The following XKR3 variants were observed in gnomAD, a reference collection of about 807,000 sequenced individuals.
XKR3 encodes XK related 3.
Under a neutral mutation model 40.3 loss-of-function variants are expected in XKR3, and 27 were observed. The ratio of observed to expected loss-of-function variants is 0.67; its 90% confidence interval spans 0.49 to 0.92. The LOEUF (loss-of-function observed/expected upper bound fraction) is 0.92, where lower values mean the gene tolerates loss of function less well. XKR3 is among the 40% of genes least tolerant of loss of function. The pLI is 0.00. For missense variants in XKR3, 472 were observed against 537.6 expected (o/e 0.88, Z 1.21); for synonymous variants, 193 against 195.4 (o/e 0.99, Z 0.10).
At chr22:16,820,943 C>A (rs927733972) in intron 1 of XKR3, among the ~76,000 whole-genome samples, 3 of 151,990 alleles carry the variant, frequency 2.0e-5, no homozygotes, top group Non-Finnish European at 4.4e-5. Flanking sequence ...GATAGAATAC[C>A]CTTTTTCCCA....
chr22:16,785,046 G>A (rs1157783098), intron 3 of XKR3, among the ~76,000 whole-genome samples: 55 of 152,298 alleles, frequency 3.6e-4, no homozygotes, highest in African/African-American at 1.3e-3. Flanking sequence ...GGCCGGGCGC[G>A]GTGGCTCACG....
chr22:16,793,898 A>G (rs1378671404), intron 3 of XKR3, among the ~76,000 whole-genome samples: 1 of 152,232 alleles, frequency 6.6e-6, no homozygotes, highest in Non-Finnish European at 1.5e-5. Flanking sequence ...GAACATTATA[A>G]TACAAATGGA....
intron 1 of XKR3, among the ~76,000 whole-genome samples, chr22:16,814,366 A>G (rs1396663975): frequency 2.6e-5 from 4 of 152,050 alleles, no homozygotes; most frequent in Non-Finnish European, 5.9e-5. Context: ...TCTCAATTCT[A>G]TTTCATTGGT....
At chr22:16,821,303 T>C (rs780872174) in intron 1 of XKR3, among the ~76,000 whole-genome samples, 13 of 152,124 alleles carry the variant, frequency 8.5e-5, no homozygotes, top group Non-Finnish European at 1.6e-4. Flanking sequence ...CAGCCAAACT[T>C]AAGAAAAATA....
intron 3 of XKR3, among the ~76,000 whole-genome samples, chr22:16,796,245 CA>C (rs1422363722): frequency 7.2e-5 from 11 of 152,086 alleles, no homozygotes; most frequent in Non-Finnish European, 1.6e-4. Flanking sequence ...ATCCCTGGAG[CA>C]GATGAATTCA....
At position 16,808,141 on chromosome 22, in the gene XKR3, A is replaced by G. The variant is rs1179483912; in HGVS notation, c.-10-58T>C. The G allele has an allele frequency of 5.5e-6, 7 of 1,263,030 alleles. No homozygotes were observed. The East Asian group carries it at 1.4e-4, about 25-fold the overall frequency. The allele number at this position is 1,263,030 out of a possible 1,614,324, so 78.2% of individuals were successfully genotyped here. ...CAGTAGAGTTCAGTATTAAATTTAA[A>G]CAGAAGTAAACAAGATTCTCTATAA... is the stretch of plus-strand genomic sequence containing the variant. On this transcript the variant is annotated intron_variant, in intron 1 of 3. Transcript: ENST00000684488.
chr22:16,806,179 A>G (rs1484476808), intron 2 of XKR3, among the ~76,000 whole-genome samples: 1 of 151,418 alleles, frequency 6.6e-6, no homozygotes, highest in Non-Finnish European at 1.5e-5. Flanking sequence ...GAATCTCTTG[A>G]GCTTTGTAGG....
intron 2 of XKR3, among the ~76,000 whole-genome samples, chr22:16,801,109 C>A (rs1479344527): frequency 6.6e-6 from 1 of 152,102 alleles, no homozygotes; most frequent in Non-Finnish European, 1.5e-5. Flanking sequence ...CACTTCTGAT[C>A]AGAATTTTAA....
At chr22:16,815,161 G>A (rs114268877) in intron 1 of XKR3, among the ~76,000 whole-genome samples, 36 of 152,018 alleles carry the variant, frequency 2.4e-4, no homozygotes, top group African/African-American at 7.2e-4. Flanking sequence ...TGCTTTTATC[G>A]TAGAAAGGTG....
At chr22:16,790,824 C>T (rs8139612) in intron 3 of XKR3, among the ~76,000 whole-genome samples, 41,253 of 151,232 alleles carry the variant, frequency 0.27, 6,200 homozygotes, top group Admixed American at 0.34. Context: ...AAATCAAAAC[C>T]TGTATGAGAC....
chr22:16,803,301 A>G (rs1319914313), intron 2 of XKR3, among the ~76,000 whole-genome samples: 1 of 152,184 alleles, frequency 6.6e-6, no homozygotes, highest in Non-Finnish European at 1.5e-5. Context: ...CAGACAAAAA[A>G]GTCCTCAACA....
intron 3 of XKR3, among the ~76,000 whole-genome samples, chr22:16,795,088 C>T (rs2060135012): frequency 6.6e-6 from 1 of 152,172 alleles, no homozygotes; most frequent in Non-Finnish European, 1.5e-5. Flanking sequence ...TGCCACCCAA[C>T]AAATGAAGAA....
chr22:16,819,406 G>T (rs1363504365), intron 1 of XKR3, among the ~76,000 whole-genome samples: 1 of 152,110 alleles, frequency 6.6e-6, no homozygotes, highest in African/African-American at 2.4e-5. Flanking sequence ...TTTGCCTAGG[G>T]ATAGATTCAT....
At chr22:16,803,403 C>G (rs2060177333) in intron 2 of XKR3, among the ~76,000 whole-genome samples, 1 of 152,082 alleles carries the variant, frequency 6.6e-6, no homozygotes, top group Non-Finnish European at 1.5e-5. Flanking sequence ...AGAGATTTGT[C>G]AGAGGCATGT....
intron 1 of XKR3, among the ~76,000 whole-genome samples, chr22:16,821,941 T>G (rs1156490247): frequency 6.6e-6 from 1 of 152,094 alleles, no homozygotes; most frequent in Non-Finnish European, 1.5e-5. Context: ...TATTATTTTT[T>G]GCCACCTAAT....
rs553206456 is a variant in XKR3, at chr22:16,807,534, G to A, written c.335+205C>T. Among the ~76,000 whole-genome samples, 15 of 152,190 alleles carry A rather than the reference G, an allele frequency of 9.9e-5. No homozygotes were observed. In the South Asian group the frequency reaches 2.3e-3, roughly 23 times the overall value. On this transcript the variant is annotated intron_variant, in intron 2 of 3. Transcript: ENST00000684488. ...AGAAATGACTGACTCATTCCCATTT[G>A]CATTTTTAAAAAACTATCATTACCT...
intron 1 of XKR3, among the ~76,000 whole-genome samples, chr22:16,814,248 T>G (rs187554924): frequency 3.4e-4 from 52 of 152,328 alleles, no homozygotes; most frequent in Non-Finnish European, 6.2e-4. Flanking sequence ...GAATATCTAG[T>G]TGTCTCAGCT....
intron 1 of XKR3, among the ~76,000 whole-genome samples, chr22:16,818,486 T>C (rs2060242673): frequency 6.6e-6 from 1 of 152,044 alleles, no homozygotes; most frequent in Non-Finnish European, 1.5e-5. Flanking sequence ...TTCAAGAAAA[T>C]CCTGTTCTCT....
intron 2 of XKR3, among the ~76,000 whole-genome samples, chr22:16,806,405 C>G (rs1406643975): frequency 2.7e-5 from 4 of 150,156 alleles, no homozygotes; most frequent in Non-Finnish European, 5.9e-5. Flanking sequence ...TTATATAATT[C>G]ATATATAAAC....
Sources: gnomAD v4.1 joint callset for allele counts (sites outside exome capture counted in the v4.1 genomes callset) on GRCh38, gnomAD v4.1.1 for gene constraint, MANE v1.5 for transcripts, NCBI Gene and HGNC (gene_info 2026-07-23, HGNC 2026-07-21) for gene names.